Variants in CCSER1 observed in about 807,000 individuals in gnomAD.
The protein encoded by CCSER1 is coiled-coil serine rich protein 1, also known as serine-rich coiled-coil domain-containing protein 1.
A neutral mutation model predicts 82.0 loss-of-function variants in CCSER1; 41 were observed. That is an observed-to-expected ratio of 0.50 (90% CI 0.39 to 0.65). CCSER1 has a LOEUF of 0.65. Among genes scored for constraint, CCSER1 ranks in the 30% least tolerant of loss-of-function variants. The pLI is 0.00. For synonymous variants in CCSER1, 414 were observed against 383.9 expected, an observed-to-expected ratio of 1.08 and a Z score of -0.92; for missense variants, 1,119 against 1,064.2, an observed-to-expected ratio of 1.05 and a Z score of -0.72.
At chr4:91,541,676 C>T (rs955861461) in intron 10 of CCSER1, among the ~76,000 whole-genome samples, 45 of 152,074 alleles carry the variant, frequency 3.0e-4, no homozygotes, top group Admixed American at 2.1e-3. Flanking sequence ...TGAATAGTGC[C>T]ACAATAAACA....
intron 10 of CCSER1, among the ~76,000 whole-genome samples, chr4:91,386,991 C>A (rs1484985809): frequency 6.6e-6 from 1 of 151,828 alleles, no homozygotes; most frequent in Non-Finnish European, 1.5e-5. Flanking sequence ...AATACATAAT[C>A]CTCGACAGGA....
chr4:91,391,328 T>G (rs1276486264), intron 10 of CCSER1, among the ~76,000 whole-genome samples: 2 of 152,178 alleles, frequency 1.3e-5, no homozygotes, highest in Non-Finnish European at 2.9e-5. Context: ...TGAGACAGCA[T>G]CTCACTCTGT....
intron 10 of CCSER1, among the ~76,000 whole-genome samples, chr4:91,502,721 A>C (rs74685814): frequency 0.11 from 16,599 of 152,122 alleles, 1,065 homozygotes; most frequent in Middle Eastern, 0.2. Context: ...TCTCAGTTTT[A>C]TTTTTCTTTT....
chr4:90,973,676 G>A (rs1735333798), intron 9 of CCSER1, among the ~76,000 whole-genome samples: 1 of 151,650 alleles, frequency 6.6e-6, no homozygotes, highest in African/African-American at 2.4e-5. Context: ...CCAAAGGAAA[G>A]GAAATAAGTA....
intron 1 of CCSER1, among the ~76,000 whole-genome samples, chr4:90,149,080 A>G (rs1726340166): frequency 6.6e-6 from 1 of 152,186 alleles, no homozygotes; most frequent in Admixed American, 6.6e-5. Context: ...AACACCAAAT[A>G]CTGATAACAG....
At chr4:90,276,186 TTTTCTTTCTTTCTTTCTTTCTTTCTTTC>T (rs1158531206) in intron 1 of CCSER1, among the ~76,000 whole-genome samples, 3 of 113,212 alleles carry the variant, frequency 2.6e-5, no homozygotes, top group African/African-American at 6.6e-5. Flanking sequence ...TTGAACACTG[TTTTCTTTCTTTCTTTCTTTCTTTCTTTC>T]TTTCTTTCTT....
intron 8 of CCSER1, among the ~76,000 whole-genome samples, chr4:90,875,676 T>TA (rs1465899917): frequency 2.6e-5 from 4 of 152,160 alleles, no homozygotes; most frequent in Non-Finnish European, 5.9e-5. Flanking sequence ...ATCATAAACT[T>TA]ATAGCTTAAA....
intron 9 of CCSER1, among the ~76,000 whole-genome samples, chr4:90,967,174 G>A (rs946542050): frequency 6.6e-6 from 1 of 152,016 alleles, no homozygotes; most frequent in African/African-American, 2.4e-5. Context: ...TGGGCTGGGT[G>A]TGGTGGCTCA....
chr4:90,129,128 A>C, intron 1 of CCSER1, among the ~76,000 whole-genome samples: 1 of 151,772 alleles, frequency 6.6e-6, no homozygotes, highest in Non-Finnish European at 1.5e-5. Context: ...TTGAAATGTA[A>C]CACACATCCT....
At chr4:91,030,959 C>T (rs1740931489) in intron 9 of CCSER1, among the ~76,000 whole-genome samples, 1 of 152,162 alleles carries the variant, frequency 6.6e-6, no homozygotes, top group Non-Finnish European at 1.5e-5. Context: ...CATGGTCACA[C>T]CTTCTGTCTT....
At chr4:91,551,312 TAC>T (rs1254443427) in intron 10 of CCSER1, among the ~76,000 whole-genome samples, 1 of 152,176 alleles carries the variant, frequency 6.6e-6, no homozygotes, top group Admixed American at 6.5e-5. Flanking sequence ...TTTAAATGTT[TAC>T]AGTTTATCTC....
chr4:90,366,851 G>C (rs944309642), intron 3 of CCSER1, among the ~76,000 whole-genome samples: 1 of 151,774 alleles, frequency 6.6e-6, no homozygotes, highest in Non-Finnish European at 1.5e-5. Flanking sequence ...GGAGTCTTTT[G>C]TGATGGCCAA....
chr4:90,246,740 A>G (rs1002911990), intron 1 of CCSER1, among the ~76,000 whole-genome samples: 3 of 152,206 alleles, frequency 2.0e-5, no homozygotes, highest in Non-Finnish European at 4.4e-5. Context: ...TAAGAGATTA[A>G]CAATAACTAA....
chr4:90,354,572 T>A (rs1170195067), intron 3 of CCSER1, among the ~76,000 whole-genome samples: 1 of 152,118 alleles, frequency 6.6e-6, no homozygotes, highest in Non-Finnish European at 1.5e-5. Context: ...TGTATGTATA[T>A]CAAATCATCA....
At chr4:90,927,736 G>C (rs1253578420) in intron 9 of CCSER1, among the ~76,000 whole-genome samples, 1 of 151,960 alleles carries the variant, frequency 6.6e-6, no homozygotes, top group Non-Finnish European at 1.5e-5. Flanking sequence ...ACTTTTCTCA[G>C]ATTTAATTTT....
rs767414970 is a variant in CCSER1 at position 91,328,966 on chromosome 4, G to T, written c.2217+242972G>T. On this transcript the variant is annotated intron_variant, in intron 10 of 10. Coordinates refer to ENST00000509176, the MANE Select transcript of CCSER1 (RefSeq NM_001145065.2). Reference sequence around the variant, plus strand: ...CCCTGCAAAAGCTCTCTTGCCTGCCGCCATGTAAGATGTGACTTTGCTCCT... The same window carrying T: ...CCCTGCAAAAGCTCTCTTGCCTGCCTCCATGTAAGATGTGACTTTGCTCCT... Among the ~76,000 whole-genome samples, 4 of 151,544 alleles carry T rather than the reference G, an allele frequency of 2.6e-5. No homozygotes were observed. The East Asian group carries it at 5.9e-4, about 22-fold the overall frequency.
At chr4:91,237,173 T>G (rs7687894) in intron 10 of CCSER1, among the ~76,000 whole-genome samples, 4,001 of 152,090 alleles carry the variant, frequency 0.026, 173 homozygotes, top group African/African-American at 0.092. Context: ...TATATGTCCA[T>G]TCTTTCTTTC....
intron 3 of CCSER1, chr4:90,370,484 G>A (rs745708923): frequency 6.6e-6 from 1 of 151,892 alleles, no homozygotes; most frequent in Non-Finnish European, 1.5e-5. Context: ...TAAAATAAAT[G>A]GATTCACATG....
intron 3 of CCSER1, among the ~76,000 whole-genome samples, chr4:90,389,561 A>T (rs1173278445): frequency 1.3e-5 from 2 of 152,216 alleles, no homozygotes; most frequent in Non-Finnish European, 2.9e-5. Flanking sequence ...ATGGGATATT[A>T]TTAGGTAAAT....
Sources: gnomAD v4.1 joint callset for allele counts (sites outside exome capture counted in the v4.1 genomes callset) on GRCh38, gnomAD v4.1.1 for gene constraint, MANE v1.5 for transcripts, NCBI Gene and HGNC (gene_info 2026-07-23, HGNC 2026-07-21) for gene names.